Variants in TNS1 observed in about 807,000 individuals in gnomAD.
The protein encoded by TNS1 is tensin 1.
Under a neutral mutation model 168.6 loss-of-function variants are expected in TNS1, and 62 were observed. The ratio of observed to expected loss-of-function variants is 0.37; its 90% CI spans 0.30 to 0.45. TNS1 has a LOEUF of 0.45. Among genes scored for constraint, TNS1 ranks in the 20% least tolerant of loss-of-function variants. The probability of loss-of-function intolerance (pLI) is 1.00; values close to 1 mark genes in which losing one functional copy is unlikely to be tolerated. For missense variants in TNS1, 2,240 were observed against 2,339.4 expected (o/e 0.96, Z 0.88); for synonymous variants, 934 against 933.2 (o/e 1.00, Z -0.02).
chr2:217,817,565 G>A (rs1942087941), intron 24 of TNS1, 125 bp downstream of exon 24: 1 of 761,786 alleles, frequency 1.3e-6, no homozygotes, highest in Non-Finnish European at 2.1e-6. Flanking sequence ...CTAAGTCCCA[G>A]AAGTCAGTGA....
rs142257950 is a variant in TNS1 at position 217,880,596 on chromosome 2, C to T, written c.1429+302G>A. The stretch of plus-strand genomic sequence containing the variant: ...TCACTCCAGCTCTCAAAATCCCTCC[C>T]TGCCAATCCCAGAGAACTCACTGTC... On this transcript the variant is annotated intron_variant, in intron 18 of 32. Coordinates refer to ENST00000682258, the MANE Select transcript of TNS1 (RefSeq NM_001387777.1). This position sits in a 1 kb window ranked among gnomAD's most constrained non-coding sequence, Gnocchi z 4.2. 3.2e-3 allele frequency among the ~76,000 whole-genome samples: 489 copies of T among 152,328 alleles called. 5 individuals are homozygous for T. Among genetic ancestry groups the T allele is most frequent in the Admixed American group, 0.011 (172 of 15,304 alleles).
chr2:218,011,967 G>A (rs1377867371), upstream of TNS1, among the ~76,000 whole-genome samples: 1 of 152,208 alleles, frequency 6.6e-6, no homozygotes, highest in African/African-American at 2.4e-5. Context: ...GGTAGGAGGA[G>A]AGGTAGTGTG....
At chr2:217,939,064 A>G (rs1406140437) in intron 3 of TNS1, among the ~76,000 whole-genome samples, 4 of 152,174 alleles carry the variant, frequency 2.6e-5, no homozygotes, top group African/African-American at 9.7e-5. Context: ...AATAATAATA[A>G]TAACTAACCT....
At chr2:217,867,058 T>A (rs555793544) in intron 18 of TNS1, among the ~76,000 whole-genome samples, 33 of 152,336 alleles carry the variant, frequency 2.2e-4, no homozygotes, top group Non-Finnish European at 4.4e-5. Flanking sequence ...TTAACCTCTC[T>A]GTGCTTGTTT....
chr2:217,835,594 C>G (rs1159704812), intron 20 of TNS1, among the ~76,000 whole-genome samples: 1 of 152,152 alleles, frequency 6.6e-6, no homozygotes, highest in African/African-American at 2.4e-5. Flanking sequence ...CTCACTGCCT[C>G]CAACTACTGA....
intron 3 of TNS1, among the ~76,000 whole-genome samples, chr2:217,971,220 C>T (rs1310043428): frequency 1.3e-5 from 2 of 152,214 alleles, no homozygotes; most frequent in Non-Finnish European, 2.9e-5. Flanking sequence ...CCTTCACACA[C>T]CTTTGCAGCC....
At chr2:217,839,436 C>T (rs570389015) in intron 19 of TNS1, among the ~76,000 whole-genome samples, 49 of 152,206 alleles carry the variant, frequency 3.2e-4, no homozygotes, top group African/African-American at 1.1e-3. Context: ...ACCAGAGCAG[C>T]CCCCTTCCCA....
intron 22 of TNS1, among the ~76,000 whole-genome samples, chr2:217,822,932 C>T (rs1422570307): frequency 6.6e-6 from 1 of 152,208 alleles, no homozygotes; most frequent in African/African-American, 2.4e-5. Flanking sequence ...ACCTCCAAAT[C>T]CCACCCTGTC....
In TNS1 at chr2:217,955,825, A is replaced by T. The variant is rs532033604; in HGVS notation, c.186+22940T>A. On this transcript the variant is annotated intron_variant, in intron 3 of 32. Coordinates refer to ENST00000682258, the MANE Select transcript of TNS1 (RefSeq NM_001387777.1). ...CCAGCTCTTGGAATTGAATATTTTC[A>T]GTGACACTGGGTAGATCAGGGACAA... is the stretch of plus-strand genomic sequence containing the variant. 2.0e-5 allele frequency among the ~76,000 whole-genome samples: 3 copies of T among 152,328 alleles called. No homozygotes were observed. In the East Asian group the frequency reaches 5.8e-4, roughly 29 times the overall value.
At position 218,033,813 on chromosome 2, in the gene TNS1, C is replaced by T. The variant is rs59539048; in HGVS notation, c.156+7G>A. Among the ~76,000 whole-genome samples the T allele has an allele frequency of 3.8e-3, 579 of 152,346 alleles. 2 individuals carry two copies. Among genetic ancestry groups the T allele is most frequent in the African/African-American group, 0.013 (540 of 41,584 alleles). On this transcript the variant is annotated splice_region_variant and intron_variant, in intron 1 of 1. Transcript: ENST00000649572. This position sits in a 1 kb window ranked among gnomAD's most constrained non-coding sequence, Gnocchi z 4.3. ...CGTCGTCCCTCACCCATTCCCGCAG[C>T]CCCTACCTGAAGCGGTAGCTGCCTT... is the stretch of plus-strand genomic sequence containing the variant.
intron 3 of TNS1, among the ~76,000 whole-genome samples, chr2:217,967,274 T>A (rs1957670467): frequency 6.6e-6 from 1 of 151,998 alleles, no homozygotes; most frequent in South Asian, 2.1e-4. Context: ...TGAGCCGAGA[T>A]CAAGCCACTG....
rs547860213 is a variant in TNS1, at chr2:218,030,406, T to C, written c.156+3414A>G. Among the ~76,000 whole-genome samples the C allele has an allele frequency of 3.3e-5, 5 of 152,336 alleles. No individual in the cohort carries two copies. In the South Asian group the frequency reaches 1.0e-3, roughly 32 times the overall value. ...TGAACTTAGCCTCCATAGCACTGTCTCCAGTCAGCTCAATGACTTGTTTGC... is the reference window on the plus strand; with the variant it reads ...TGAACTTAGCCTCCATAGCACTGTCCCCAGTCAGCTCAATGACTTGTTTGC... On this transcript the variant is annotated intron_variant, in intron 1 of 1. Coordinates refer to the TNS1 transcript ENST00000649572.
At chr2:217,889,363 G>A (rs886180054) in intron 12 of TNS1, among the ~76,000 whole-genome samples, 13 of 152,238 alleles carry the variant, frequency 8.5e-5, no homozygotes, top group African/African-American at 2.9e-4. Flanking sequence ...GATGGGGCAC[G>A]TGTTGGGACC....
intron 1 of TNS1, among the ~76,000 whole-genome samples, chr2:217,997,642 T>C (rs1352533002): frequency 1.3e-5 from 2 of 152,250 alleles, no homozygotes; most frequent in South Asian, 2.1e-4. Context: ...TAACGGCCCC[T>C]GCACTTGTTA....
At chr2:217,832,894 T>C (rs1015698948) in intron 21 of TNS1, among the ~76,000 whole-genome samples, 8 of 152,026 alleles carry the variant, frequency 5.3e-5, no homozygotes, top group Admixed American at 4.6e-4. Context: ...AGGCCTCATG[T>C]CTCTGTCTAT....
chr2:218,011,678 G>A (rs1045977017), upstream of TNS1, among the ~76,000 whole-genome samples: 4 of 151,996 alleles, frequency 2.6e-5, no homozygotes, highest in Non-Finnish European at 5.9e-5. Flanking sequence ...CTGCCCCCAA[G>A]CTCTCCTCCG....
chr2:217,920,771 A>G (rs1013475600), intron 3 of TNS1, among the ~76,000 whole-genome samples: 2 of 151,494 alleles, frequency 1.3e-5, no homozygotes, highest in Admixed American at 1.3e-4. Context: ...CATGCATGAA[A>G]TGGGTTGGTA....
intron 19 of TNS1, among the ~76,000 whole-genome samples, chr2:217,836,979 C>T (rs1945261542): frequency 6.6e-6 from 1 of 152,144 alleles, no homozygotes; most frequent in Admixed American, 6.5e-5. Flanking sequence ...GTTAATCTCA[C>T]CCTCCTTCCT....
chr2:217,835,220 C>T (rs1378978857), intron 20 of TNS1, 54 bp from the exon 21 acceptor site: 4 of 1,544,886 alleles, frequency 2.6e-6, no homozygotes, highest in Non-Finnish European at 2.6e-6. Context: ...GGAGAGATTT[C>T]CCCTTCAGAT....
Sources: gnomAD v4.1 joint callset for allele counts (sites outside exome capture counted in the v4.1 genomes callset) on GRCh38, gnomAD v4.1.1 for gene constraint, Gnocchi (gnomAD v3.1) non-coding constraint, MANE v1.5 for transcripts, NCBI Gene and HGNC (gene_info 2026-07-23, HGNC 2026-07-21) for gene names.